MSMB: variants seen among roughly 807,000 people sequenced by gnomAD.
MSMB encodes microseminoprotein beta.
In MSMB, 10 loss-of-function variants were observed where a neutral mutation model predicts 10.5. The observed-to-expected ratio is 0.95, with a 90% confidence interval of 0.59 to 1.62. The LOEUF is 1.62. Among genes scored for constraint, MSMB ranks in the 40% most tolerant of loss-of-function variants. The pLI is 0.00. For synonymous variants in MSMB, 43 were observed against 46.5 expected (o/e 0.93, Z 0.30); for missense variants, 126 against 137.4 (o/e 0.92, Z 0.42).
intron 3 of MSMB, among the ~76,000 whole-genome samples, chr10:46,034,745 A>G (rs112839929): frequency 3.6e-4 from 54 of 151,920 alleles, no homozygotes; most frequent in Non-Finnish European, 6.2e-4. Flanking sequence ...GAATGGCGTG[A>G]ACCCAGGAGG....
intron 3 of MSMB, among the ~76,000 whole-genome samples, chr10:46,034,741 C>T (rs1241868447): frequency 6.6e-6 from 1 of 151,314 alleles, no homozygotes; most frequent in Admixed American, 6.6e-5. Context: ...AGGAGAATGG[C>T]GTGAACCCAG....
intron 2 of MSMB, 104 bp from the exon 3 acceptor site, chr10:46,039,175 A>C: frequency 2.2e-6 from 2 of 928,636 alleles, no homozygotes; most frequent in Non-Finnish European, 3.4e-6. Context: ...TCCCAGAGAG[A>C]GAGGAGCTCA....
chr10:46,041,813 A>G (rs1840760183), intron 1 of MSMB, among the ~76,000 whole-genome samples: 1 of 152,026 alleles, frequency 6.6e-6, no homozygotes, highest in Admixed American at 6.6e-5. Flanking sequence ...AAAGGCAAAC[A>G]CAGAGATCAA....
chr10:46,043,669 TTGTC>T (rs1401642216), intron 1 of MSMB, among the ~76,000 whole-genome samples: 2 of 152,050 alleles, frequency 1.3e-5, no homozygotes, highest in Non-Finnish European at 2.9e-5. Context: ...TTTGTTTTGT[TTGTC>T]TGTTTGTTTG....
intron 3 of MSMB, among the ~76,000 whole-genome samples, chr10:46,037,698 T>C (rs1258521546): frequency 2.6e-5 from 4 of 152,206 alleles, no homozygotes; most frequent in African/African-American, 9.6e-5. Flanking sequence ...GCCACTGCTA[T>C]TTCTACAAAT....
chr10:46,045,713 G>T (rs1484973315), intron 1 of MSMB, among the ~76,000 whole-genome samples: 4 of 152,152 alleles, frequency 2.6e-5, no homozygotes, highest in Non-Finnish European at 4.4e-5. Flanking sequence ...GTGTCGGGGT[G>T]GAAGATGGGT....
intron 3 of MSMB, 131 bp from the exon 4 acceptor site, chr10:46,033,682 G>A (rs1554927152): frequency 6.7e-6 from 9 of 1,338,414 alleles, no homozygotes; most frequent in Middle Eastern, 2.7e-4. Context: ...CAGCCCCAGA[G>A]TGTGACCTCC....
rs781875839 is a variant in MSMB, at chr10:46,039,058, G to A, written c.123C>T (p.Leu41=). The change falls in exon 3 of 4, where the codon CTC becomes CTT. Residue 41 remains leucine (L), a synonymous_variant. Coordinates refer to ENST00000582163, the MANE Select transcript of MSMB (RefSeq NM_002443.4). ...AGTTTATTGGGTGTTTGTTTCCTTT[G>A]AGATCCATGCATTCTAAAATAATAC... ...PGDSTRKCMD[L]KGNKHPINSE... is the part of the protein sequence containing the mutation. The A allele has an allele frequency of 6.2e-7, 1 of 1,613,914 alleles. No homozygotes were observed. The highest frequency in any genetic ancestry group is 8.5e-7 in the Non-Finnish European group (1 of 1,179,902).
At chr10:46,044,946 G>A (rs1840857889) in intron 1 of MSMB, among the ~76,000 whole-genome samples, 1 of 152,134 alleles carries the variant, frequency 6.6e-6, no homozygotes, top group Admixed American at 6.5e-5. Context: ...GTGGAGATGG[G>A]GAGGACCTCC....
At chr10:46,038,377 T>A (rs1443561478) in intron 3 of MSMB, among the ~76,000 whole-genome samples, 2 of 151,732 alleles carry the variant, frequency 1.3e-5, no homozygotes, top group African/African-American at 4.8e-5. Context: ...AAGCTCTGCC[T>A]CCCGGGTTCA....
At chr10:46,034,352 A>T (rs1279590786) in intron 3 of MSMB, among the ~76,000 whole-genome samples, 6 of 150,780 alleles carry the variant, frequency 4.0e-5, no homozygotes, top group African/African-American at 1.5e-4. Context: ...CAGGTCTCGA[A>T]CTCCTGACCT....
rs151322001 is a variant in MSMB at position 46,037,881 on chromosome 10, C to T, written c.215+1085G>A. Reference sequence around the variant, plus strand: ...GGAAAACAACCCAAGTGTTCATCAACAGATGAATGGAGATGCAAAATGTGG... The same window carrying T: ...GGAAAACAACCCAAGTGTTCATCAATAGATGAATGGAGATGCAAAATGTGG... On this transcript the variant is annotated intron_variant, in intron 3 of 3. Transcript: ENST00000582163. 4.6e-4 allele frequency among the ~76,000 whole-genome samples: 70 copies of T among 152,296 alleles called. No homozygotes were observed. In the East Asian group the frequency reaches 0.012, roughly 27 times the overall value.
Position 46,033,390 on chromosome 10 carries a change from G to A in MSMB, c.*32C>T, listed in dbSNP as rs1208526809. 1 of 1,611,312 alleles carries A rather than the reference G, an allele frequency of 6.2e-7. No homozygotes were observed. The highest frequency in any genetic ancestry group is 8.5e-7 in the Non-Finnish European group (1 of 1,178,174). On this transcript the variant is annotated 3_prime_UTR_variant, in exon 4 of 4. Transcript: ENST00000582163. ...TAGAGGCCAGAGGAGAATGAGGCCT[G>A]GCCTGGGAGCCCTGTGCCTACTAGA...
In MSMB at chr10:46,038,981, A is replaced by G; in HGVS notation, c.200T>C (p.Ile67Thr). The G allele has an allele frequency of 1.9e-6, 3 of 1,613,752 alleles. No individual in the cohort carries two copies. Among genetic ancestry groups the G allele is most frequent in the Non-Finnish European group, 2.5e-6 (3 of 1,179,762 alleles). Reference sequence around the variant, plus strand: ...TGAGACTTACAGGGTGCAACATGAAATTTCTGTTTCGTAGCAAGTGCATGT... The same window carrying G: ...TGAGACTTACAGGGTGCAACATGAAGTTTCTGTTTCGTAGCAAGTGCATGT... ...CETCTCYETE[I>T]SCCTLVSTPV... Residue 67 changes from isoleucine (I) to threonine (T), a missense_variant, in exon 3 of 4, where the codon ATT becomes ACT. By Grantham distance (89) the Ile-to-Thr change is moderately conservative (BLOSUM62 -1). Transcript: ENST00000582163.
intron 3 of MSMB, among the ~76,000 whole-genome samples, chr10:46,038,221 C>T (rs1554927800): frequency 6.6e-6 from 1 of 152,070 alleles, no homozygotes; most frequent in African/African-American, 2.4e-5. Context: ...TGTGAATGGA[C>T]CTAATGCCAC....
chr10:46,041,739 A>C (rs957811564), intron 1 of MSMB, among the ~76,000 whole-genome samples: 4 of 152,042 alleles, frequency 2.6e-5, no homozygotes, highest in African/African-American at 9.7e-5. Flanking sequence ...GGCTGCAGTG[A>C]GCCATGATAG....
At chr10:46,038,298 T>G (rs1840658053) in intron 3 of MSMB, among the ~76,000 whole-genome samples, 1 of 152,166 alleles carries the variant, frequency 6.6e-6, no homozygotes, top group Non-Finnish European at 1.5e-5. Flanking sequence ...CGCAATTTTT[T>G]TTTTTTTTAG....
chr10:46,038,965 C>G lies in MSMB; in HGVS notation c.215+1G>C. 1 of 1,613,164 alleles carries G rather than the reference C, an allele frequency of 6.2e-7. No individual in the cohort carries two copies. The highest frequency in any genetic ancestry group is 8.5e-7 in the Non-Finnish European group (1 of 1,179,318). On this transcript the variant is annotated splice_donor_variant, in intron 3 of 3. Transcript: ENST00000582163. LOFTEE classifies it high-confidence loss of function. Reference sequence around the variant, plus strand: ...TTGGCCAGCACTGGCTTGAGACTTACAGGGTGCAACATGAAATTTCTGTTT... The same window carrying G: ...TTGGCCAGCACTGGCTTGAGACTTAGAGGGTGCAACATGAAATTTCTGTTT...
intron 3 of MSMB, 111 bp from the exon 4 acceptor site, chr10:46,033,662 C>T (rs917308777): frequency 9.9e-5 from 148 of 1,495,470 alleles, no homozygotes; most frequent in Non-Finnish European, 1.3e-4. Flanking sequence ...TAAGGGCACC[C>T]TTTGGCTGGC....
Sources: allele counts gnomAD v4.1 joint callset (sites outside exome capture counted in the v4.1 genomes callset), GRCh38; gene constraint gnomAD v4.1.1; transcripts MANE v1.5; gene names NCBI Gene and HGNC (gene_info 2026-07-23, HGNC 2026-07-21).